NCOR2: variants seen among roughly 807,000 people sequenced by gnomAD.
NCOR2 encodes CTG repeat protein 26.
NCOR2 carries 81 observed loss-of-function variants against 262.9 expected under a neutral mutation model. That is an observed-to-expected ratio of 0.31 (90% CI 0.26 to 0.37). NCOR2 has a LOEUF of 0.37. Among genes scored for constraint, NCOR2 ranks in the 10% least tolerant of loss-of-function variants. The pLI, the probability that NCOR2 is intolerant of heterozygous loss-of-function variation, is 1.00. For missense variants in NCOR2, 3,385 were observed against 3,621.4 expected, an observed-to-expected ratio of 0.93 and a Z score of 1.68; for synonymous variants, 1,659 against 1,559.3, an observed-to-expected ratio of 1.06 and a Z score of -1.51.
Position 124,402,540 on chromosome 12 carries a change from G to A in NCOR2, c.1504C>T (p.Gln502Ter). ...TGCTGCTGCTGCTGCTGCTGCTGCT[G>A]CTGCTGCTGTTGTTGCTGCTGCTGT... The change falls in exon 14 of 47, where the codon CAG becomes TAG. Residue 502 changes from glutamine (Q) to a stop codon, truncating the protein, a stop_gained. Transcript: ENST00000405201. LOFTEE classifies it high-confidence loss of function. 1 of 1,572,296 alleles carries A rather than the reference G, an allele frequency of 6.4e-7. No homozygotes were observed. Among genetic ancestry groups the A allele is most frequent in the South Asian group, 1.2e-5 (1 of 86,896 alleles).
chr12:124,528,823 T>C (rs774817392), intron 1 of NCOR2, among the ~76,000 whole-genome samples: 3 of 152,192 alleles, frequency 2.0e-5, no homozygotes, highest in Non-Finnish European at 4.4e-5. Context: ...GTTTCATTTC[T>C]TATCGGAATG....
chr12:124,558,548 G>GC (rs1407664458), intron 1 of NCOR2, among the ~76,000 whole-genome samples: 1 of 152,196 alleles, frequency 6.6e-6, no homozygotes, highest in Non-Finnish European at 1.5e-5. Context: ...TCCCAGGTGG[G>GC]CCATCGAGAG....
rs1035973788 is a variant in NCOR2, at chr12:124,517,554, C to T, written c.-118+18011G>A. 1.4e-4 allele frequency among the ~76,000 whole-genome samples: 21 copies of T among 152,310 alleles called. No individual in the cohort carries two copies. Among genetic ancestry groups the T allele is most frequent in the Non-Finnish European group, 2.8e-4 (19 of 68,004 alleles). Reference sequence around the variant, plus strand: ...CGGGGCCGGGCTGCAGCGCTGCCTGCACCTGGCTCTCCCCTGCCTGAGCCC... The same window carrying T: ...CGGGGCCGGGCTGCAGCGCTGCCTGTACCTGGCTCTCCCCTGCCTGAGCCC... On this transcript the variant is annotated intron_variant, in intron 1 of 46. Coordinates refer to the NCOR2 transcript ENST00000404621. The surrounding 1 kb of genome is among the most constrained non-coding windows in gnomAD (Gnocchi z 7.6).
rs116969278 is a variant in NCOR2 at position 124,362,869 on chromosome 12, C to T, written c.2929-572G>A. 7.4e-3 allele frequency among the ~76,000 whole-genome samples: 1,112 copies of T among 150,596 alleles called. 5 individuals are homozygous for T. The highest frequency in any genetic ancestry group is 0.012 in the Non-Finnish European group (776 of 67,398). On this transcript the variant is annotated intron_variant, in intron 21 of 46. Transcript: ENST00000405201. ...TGCCTGGTGATGGACAGGGGGAGTT[C>T]ACCTCCTAAAAAGCCTGGTCCAGCT...
chr12:124,360,186 C>T (rs1413732668), intron 22 of NCOR2, among the ~76,000 whole-genome samples: 1 of 152,246 alleles, frequency 6.6e-6, no homozygotes, highest in Non-Finnish European at 1.5e-5. Context: ...TACACAGCTC[C>T]TTCCCGGGCT....
chr12:124,563,585 C>T (rs2052138977), intron 1 of NCOR2, among the ~76,000 whole-genome samples: 1 of 152,268 alleles, frequency 6.6e-6, no homozygotes, highest in South Asian at 2.1e-4. Flanking sequence ...TATGGGCACT[C>T]CAGGCCACAG....
chr12:124,330,861 G>A lies in NCOR2; in HGVS notation c.6942C>T (p.Pro2314=), dbSNP rs755386702. ...ATGGGTTACCTGTTCCGGTGATGGC[G>A]GGCATATTGAAGATCTCCGTCCCAG... The change falls in exon 44 of 47, where the codon CCC becomes CCT. Residue 2314 remains proline, a synonymous_variant. Transcript: ENST00000405201. 56 of 1,581,710 alleles carry A rather than the reference G, an allele frequency of 3.5e-5. No homozygotes were observed. The East Asian group carries it at 1.1e-3, about 32-fold the overall frequency.
At chr12:124,486,609 C>CGGGCATGGCG (rs1565987904) in intron 1 of NCOR2, 41 bp from the exon 4 acceptor site, 1 of 1,532,800 alleles carries the variant, frequency 6.5e-7, no homozygotes. Flanking sequence ...TGGGCGGGCA[C>CGGGCATGGCG]GGGCATGGCG....
At chr12:124,400,043 A>G (rs2041913648) in intron 15 of NCOR2, among the ~76,000 whole-genome samples, 1 of 152,182 alleles carries the variant, frequency 6.6e-6, no homozygotes, top group South Asian at 2.1e-4. Flanking sequence ...TCGGCTCCCA[A>G]CAACAGCCAC....
intron 5 of NCOR2, among the ~76,000 whole-genome samples, chr12:124,459,845 G>A (rs1418881245): frequency 6.6e-6 from 1 of 152,132 alleles, no homozygotes; most frequent in Non-Finnish European, 1.5e-5. Flanking sequence ...AGGGTCAACA[G>A]GGTCCCAGCC....
intron 1 of NCOR2, among the ~76,000 whole-genome samples, chr12:124,563,031 G>A (rs1275124306): frequency 6.6e-6 from 1 of 152,202 alleles, no homozygotes. Context: ...GCTTGAAGCT[G>A]CAGAGCTGAA....
chr12:124,498,498 G>A (rs1426336298), upstream of NCOR2, among the ~76,000 whole-genome samples: 1 of 152,066 alleles, frequency 6.6e-6, no homozygotes, highest in Non-Finnish European at 1.5e-5. Context: ...CAGTAACCTC[G>A]TGCCACCCTC....
chr12:124,404,060 C>T (rs1420326315), intron 13 of NCOR2, among the ~76,000 whole-genome samples: 3 of 152,328 alleles, frequency 2.0e-5, no homozygotes, highest in African/African-American at 2.4e-5. Flanking sequence ...CTCCTGACCT[C>T]GAACCCTCAA....
intron 1 of NCOR2, among the ~76,000 whole-genome samples, chr12:124,519,707 T>C (rs1479355135): frequency 2.0e-5 from 3 of 152,160 alleles, no homozygotes; most frequent in Non-Finnish European, 4.4e-5. Flanking sequence ...AGTAATAATA[T>C]TAATAACAAT....
intron 1 of NCOR2, among the ~76,000 whole-genome samples, chr12:124,557,410 G>A (rs940033812): frequency 2.6e-5 from 4 of 152,176 alleles, no homozygotes; most frequent in Admixed American, 6.5e-5. Flanking sequence ...GCACTTCTTG[G>A]CTTCCAGCCA....
At chr12:124,478,794 G>A (rs1257362084) in intron 3 of NCOR2, among the ~76,000 whole-genome samples, 1 of 152,108 alleles carries the variant, frequency 6.6e-6, no homozygotes, top group Non-Finnish European at 1.5e-5. Flanking sequence ...GAGACAGAAA[G>A]ACAGAGACGT....
intron 20 of NCOR2, among the ~76,000 whole-genome samples, chr12:124,364,139 A>G (rs1476205226): frequency 6.6e-6 from 1 of 152,196 alleles, no homozygotes; most frequent in East Asian, 1.9e-4. Context: ...GCTGGGATCA[A>G]ACATCCCCAA....
At chr12:124,431,477 C>G (rs1244097) in intron 8 of NCOR2, among the ~76,000 whole-genome samples, 25,841 of 147,528 alleles carry the variant, frequency 0.18, 2,292 homozygotes, top group Admixed American at 0.22. Flanking sequence ...CACAGAGAGA[C>G]ACACACACAC....
chr12:124,521,205 C>T (rs142639316), intron 1 of NCOR2, among the ~76,000 whole-genome samples: 398 of 152,358 alleles, frequency 2.6e-3, no homozygotes, highest in African/African-American at 8.9e-3. Context: ...CCCCCACTCA[C>T]TTCCTCCCCA....
Sources: gnomAD v4.1 joint callset for allele counts (sites outside exome capture counted in the v4.1 genomes callset) on GRCh38, gnomAD v4.1.1 for gene constraint, Gnocchi (gnomAD v3.1) non-coding constraint, MANE v1.5 for transcripts, NCBI Gene and HGNC (gene_info 2026-07-23, HGNC 2026-07-21) for gene names.